Variants in CDKAL1 observed in about 807,000 individuals in gnomAD.
The protein encoded by CDKAL1 is threonylcarbamoyladenosine tRNA methylthiotransferase.
Under a neutral mutation model 68.2 loss-of-function variants are expected in CDKAL1, and 32 were observed. That is an observed-to-expected ratio of 0.47 (90% CI 0.35 to 0.63). The LOEUF is 0.63. CDKAL1 is among the 30% of genes least tolerant of loss of function. The pLI is 0.00. For synonymous variants in CDKAL1, 234 were observed against 244.3 expected, an observed-to-expected ratio of 0.96 and a Z score of 0.39; for missense variants, 606 against 696.7, an observed-to-expected ratio of 0.87 and a Z score of 1.47.
intron 4 of CDKAL1, among the ~76,000 whole-genome samples, chr6:20,607,553 C>A (rs4991654): frequency 0.82 from 123,827 of 151,832 alleles, 50,912 homozygotes; most frequent in African/African-American, 0.92. Flanking sequence ...TGGTGGCTAC[C>A]GATATTTACC....
At chr6:21,174,527 C>T (rs1349170503) in intron 13 of CDKAL1, among the ~76,000 whole-genome samples, 1 of 152,108 alleles carries the variant, frequency 6.6e-6, no homozygotes, top group African/African-American at 2.4e-5. Context: ...AAAGAATTCC[C>T]TCTCAATAGC....
chr6:20,821,530 TGC>T (rs1777278626), intron 8 of CDKAL1, among the ~76,000 whole-genome samples: 1 of 152,206 alleles, frequency 6.6e-6, no homozygotes, highest in Non-Finnish European at 1.5e-5. Context: ...TGGTATCATT[TGC>T]TTATATATTA....
Position 20,923,504 on chromosome 6 carries a change from C to T in CDKAL1, c.743-31915C>T, listed in dbSNP as rs372784836. ...CTATTATAATTGTTTTGAGATGCCA[C>T]GGACTATGCCCATATGAGATGGTGA... On this transcript the variant is annotated intron_variant, in intron 9 of 15. Coordinates refer to ENST00000274695, the MANE Select transcript of CDKAL1 (RefSeq NM_017774.3). Among the ~76,000 whole-genome samples the T allele has an allele frequency of 2.6e-4, 40 of 152,236 alleles. 1 individual carries two copies. The highest frequency in any genetic ancestry group is 2.6e-4 in the Non-Finnish European group (18 of 68,030).
chr6:21,059,362 T>C (rs1193849406), intron 11 of CDKAL1, among the ~76,000 whole-genome samples: 1 of 152,264 alleles, frequency 6.6e-6, no homozygotes, highest in East Asian at 1.9e-4. Flanking sequence ...AGCTTGCTGC[T>C]GCTGGCTGCA....
intron 4 of CDKAL1, among the ~76,000 whole-genome samples, chr6:20,640,486 A>C (rs1768121339): frequency 6.6e-6 from 1 of 152,196 alleles, no homozygotes; most frequent in Non-Finnish European, 1.5e-5. Context: ...CTTTAGGGTA[A>C]TAATCCTGCA....
At chr6:20,590,417 A>C (rs1386180394) in intron 4 of CDKAL1, among the ~76,000 whole-genome samples, 1 of 151,950 alleles carries the variant, frequency 6.6e-6, no homozygotes, top group Non-Finnish European at 1.5e-5. Context: ...GGTTTGTTCA[A>C]AACATAGGTA....
intron 11 of CDKAL1, among the ~76,000 whole-genome samples, chr6:21,045,107 A>G (rs1454270961): frequency 1.3e-5 from 2 of 152,236 alleles, no homozygotes; most frequent in South Asian, 2.1e-4. Flanking sequence ...CAGTTTCAAC[A>G]TAGATTTTGA....
At chr6:21,221,995 G>C (rs1005236783) in intron 15 of CDKAL1, among the ~76,000 whole-genome samples, 2 of 152,172 alleles carry the variant, frequency 1.3e-5, no homozygotes, top group African/African-American at 4.8e-5. Flanking sequence ...GGATCACTGA[G>C]ACCACACAGG....
chr6:21,193,169 A>G (rs547694944), intron 13 of CDKAL1, among the ~76,000 whole-genome samples: 3 of 152,152 alleles, frequency 2.0e-5, no homozygotes, highest in East Asian at 3.9e-4. Context: ...ACTTCAAGAC[A>G]CTCAATAGCC....
chr6:20,603,355 A>T (rs1473011141), intron 4 of CDKAL1, among the ~76,000 whole-genome samples: 1 of 152,154 alleles, frequency 6.6e-6, no homozygotes, highest in Non-Finnish European at 1.5e-5. Context: ...AGCAGCAGCT[A>T]TCTGTTATTA....
At chr6:20,556,163 G>A (rs757232935) in intron 4 of CDKAL1, among the ~76,000 whole-genome samples, 1 of 151,874 alleles carries the variant, frequency 6.6e-6, no homozygotes, top group Non-Finnish European at 1.5e-5. Context: ...TCAGGAGTTC[G>A]AGACCAGCCT....
intron 12 of CDKAL1, among the ~76,000 whole-genome samples, chr6:21,102,717 T>C (rs534222706): frequency 1.3e-5 from 2 of 152,176 alleles, no homozygotes; most frequent in African/African-American, 4.8e-5. Context: ...CACTCCAGTC[T>C]CTTTTGGAAT....
intron 9 of CDKAL1, among the ~76,000 whole-genome samples, chr6:20,885,484 C>T (rs578258741): frequency 2.6e-5 from 4 of 152,152 alleles, no homozygotes; most frequent in Non-Finnish European, 5.9e-5. Flanking sequence ...CCCTACCTTA[C>T]ACCATGTACA....
At chr6:20,676,170 A>T (rs1770085713) in intron 5 of CDKAL1, among the ~76,000 whole-genome samples, 1 of 126,382 alleles carries the variant, frequency 7.9e-6, no homozygotes, top group Admixed American at 7.2e-5. Context: ...AAAGTAAAAA[A>T]GTTATAGTAA....
At chr6:21,084,099 G>A (rs757815564) in intron 12 of CDKAL1, among the ~76,000 whole-genome samples, 20 of 152,062 alleles carry the variant, frequency 1.3e-4, no homozygotes, top group Non-Finnish European at 2.6e-4. Flanking sequence ...AGAAAGAAAC[G>A]GGAGGCCTTG....
At chr6:20,651,492 A>T (rs1408781602) in intron 5 of CDKAL1, among the ~76,000 whole-genome samples, 1 of 152,186 alleles carries the variant, frequency 6.6e-6, no homozygotes, top group African/African-American at 2.4e-5. Flanking sequence ...GGATCATGTC[A>T]TCTGCAAACA....
chr6:20,864,870 C>T (rs1009854539), intron 9 of CDKAL1, among the ~76,000 whole-genome samples: 3 of 152,082 alleles, frequency 2.0e-5, no homozygotes, highest in African/African-American at 4.8e-5. Flanking sequence ...ATCCTACCAT[C>T]GATAAACATA....
chr6:20,636,649 G>C (rs542321347), intron 4 of CDKAL1, among the ~76,000 whole-genome samples: 2 of 152,248 alleles, frequency 1.3e-5, no homozygotes, highest in South Asian at 2.1e-4. Flanking sequence ...TCCAAATCTA[G>C]GTCCTCTGAA....
intron 4 of CDKAL1, among the ~76,000 whole-genome samples, chr6:20,648,318 C>T (rs906174227): frequency 2.4e-4 from 37 of 151,744 alleles, no homozygotes; most frequent in Admixed American, 2.4e-3. Flanking sequence ...TTAGTAGAGA[C>T]CGGGTTTCAC....
Sources: gnomAD v4.1 joint callset for allele counts (sites outside exome capture counted in the v4.1 genomes callset) on GRCh38, gnomAD v4.1.1 for gene constraint, MANE v1.5 for transcripts, NCBI Gene and HGNC (gene_info 2026-07-23, HGNC 2026-07-21) for gene names.